The following ATF7IP variants were observed in gnomAD, a reference collection of about 807,000 sequenced individuals.
The protein encoded by ATF7IP is activating transcription factor 7-interacting protein 1.
Under a neutral mutation model 106.4 loss-of-function variants are expected in ATF7IP, and 23 were observed. The ratio of observed to expected loss-of-function variants is 0.22; its 90% CI spans 0.16 to 0.31. The LOEUF is 0.31. Ranked by LOEUF, ATF7IP falls within the 10% of genes least tolerant of loss-of-function variation. The pLI, the probability that ATF7IP is intolerant of heterozygous loss-of-function variation, is 1.00. For missense variants in ATF7IP, 1,334 were observed against 1,524.3 expected (o/e 0.88, Z 2.08); for synonymous variants, 542 against 539.0 (o/e 1.01, Z -0.08).
intron 1 of ATF7IP, among the ~76,000 whole-genome samples, chr12:14,376,358 T>C (rs1678901590): frequency 6.6e-6 from 1 of 152,272 alleles, no homozygotes; most frequent in African/African-American, 2.4e-5. Context: ...GGCACAGATT[T>C]GGCCATAAAG....
At position 14,424,627 on chromosome 12, in the gene ATF7IP, G is replaced by C; in HGVS notation, c.712G>C (p.Asp238His). Residue 238 changes from aspartate to histidine, a missense_variant, in exon 2 of 15, where the codon GAT (aspartate) becomes CAT (histidine). Coordinates refer to ENST00000261168, the MANE Select transcript of ATF7IP (RefSeq NM_018179.5). Reference protein sequence around the residue: ...DIASSEITSVDLASGAPASTD... With the variant: ...DIASSEITSVHLASGAPASTD... ...AGCCTCTAGTGAAATAACTTCTGTTGATCTGGCTTCTGGAGCACCAGCTTC... is the reference window on the plus strand; with the variant it reads ...AGCCTCTAGTGAAATAACTTCTGTTCATCTGGCTTCTGGAGCACCAGCTTC... 2 of 1,614,104 alleles carry C rather than the reference G, an allele frequency of 1.2e-6. No individual in the cohort carries two copies. Among genetic ancestry groups the C allele is most frequent in the East Asian group, 2.2e-5 (1 of 44,876 alleles).
chr12:14,429,215 G>C (rs1384058178), intron 2 of ATF7IP, among the ~76,000 whole-genome samples: 1 of 152,148 alleles, frequency 6.6e-6, no homozygotes, highest in Non-Finnish European at 1.5e-5. Context: ...TGATGATCAT[G>C]TTATTAAATC....
intron 9 of ATF7IP, among the ~76,000 whole-genome samples, chr12:14,462,112 G>T (rs534541631): frequency 6.6e-6 from 1 of 152,122 alleles, no homozygotes. Context: ...ATTAATGTTG[G>T]ATTGAAGCTG....
chr12:14,394,265 A>G (rs1216256851), intron 1 of ATF7IP, among the ~76,000 whole-genome samples: 2 of 152,204 alleles, frequency 1.3e-5, no homozygotes, highest in African/African-American at 4.8e-5. Context: ...TGTATTTTTA[A>G]TGATTGCCAA....
At chr12:14,418,869 C>T (rs1299891964) in intron 1 of ATF7IP, among the ~76,000 whole-genome samples, 1 of 151,928 alleles carries the variant, frequency 6.6e-6, no homozygotes, top group East Asian at 1.9e-4. Flanking sequence ...TTGATAAAAT[C>T]AACTTTTCTT....
chr12:14,368,022 T>C (rs1938378892), intron 1 of ATF7IP, among the ~76,000 whole-genome samples: 1 of 152,134 alleles, frequency 6.6e-6, no homozygotes, highest in Non-Finnish European at 1.5e-5. Context: ...AAAATTTATA[T>C]GTAGTTTAGA....
intron 11 of ATF7IP, 91 bp downstream of exon 11, chr12:14,476,059 G>A: frequency 1.1e-6 from 1 of 918,602 alleles, no homozygotes; most frequent in Admixed American, 2.2e-5. Flanking sequence ...AGATGTTTAT[G>A]GCATTATGCT....
chr12:14,444,853 C>T (rs1451534475), intron 5 of ATF7IP, among the ~76,000 whole-genome samples: 1 of 151,988 alleles, frequency 6.6e-6, no homozygotes, highest in Non-Finnish European at 1.5e-5. Context: ...TAGCTTCCAG[C>T]GGTGACTACT....
intron 13 of ATF7IP, among the ~76,000 whole-genome samples, chr12:14,490,316 C>T (rs1226644287): frequency 6.6e-6 from 1 of 152,200 alleles, no homozygotes; most frequent in Non-Finnish European, 1.5e-5. Context: ...CAAATGCCTT[C>T]ACAGTTTTTG....
At chr12:14,422,834 A>T (rs2136544303) in intron 1 of ATF7IP, among the ~76,000 whole-genome samples, 1 of 152,310 alleles carries the variant, frequency 6.6e-6, no homozygotes, top group South Asian at 2.1e-4. Context: ...GTTTTGGGCC[A>T]TTATGAGTAG....
Position 14,424,772 on chromosome 12 carries a change from A to T in ATF7IP, c.857A>T (p.Asp286Val). ...SDELTSESTF[D>V]RTFEPKSVPV... ...GAGCTGACTTCTGAATCAACCTTTG[A>T]TCGTACCTTTGAACCAAAGTCTGTA... Residue 286 changes from aspartate (D) to valine (V), a missense_variant, in exon 2 of 15, where the codon GAT (aspartate) becomes GTT (valine). Physicochemically the swap from Asp to Val is radical, Grantham distance 152 (BLOSUM62 -3). Coordinates refer to ENST00000261168, the MANE Select transcript of ATF7IP (RefSeq NM_018179.5). 1 of 1,614,124 alleles carries T rather than the reference A, an allele frequency of 6.2e-7. No individual in the cohort carries two copies. The highest frequency in any genetic ancestry group is 8.5e-7 in the Non-Finnish European group (1 of 1,180,014).
intron 8 of ATF7IP, 113 bp downstream of exon 8, chr12:14,457,408 C>T (rs1029846160): frequency 1.3e-6 from 1 of 759,030 alleles, no homozygotes; most frequent in Admixed American, 3.1e-5. Context: ...GCACATTGGT[C>T]TAAGTACAAA....
intron 1 of ATF7IP, among the ~76,000 whole-genome samples, chr12:14,401,964 G>A (rs1940240150): frequency 6.6e-6 from 1 of 151,082 alleles, no homozygotes; most frequent in Admixed American, 6.6e-5. Context: ...CGCTTGCCTC[G>A]GCCTCCAAAA....
chr12:14,385,879 T>G (rs1452070363), intron 1 of ATF7IP, among the ~76,000 whole-genome samples: 1 of 152,096 alleles, frequency 6.6e-6, no homozygotes, highest in Non-Finnish European at 1.5e-5. Flanking sequence ...GAAAAAAAAT[T>G]TTTAATACTG....
chr12:14,496,624 T>C (rs1030267921), intron 14 of ATF7IP, among the ~76,000 whole-genome samples: 4 of 152,214 alleles, frequency 2.6e-5, no homozygotes, highest in Admixed American at 6.5e-5. Context: ...TTCTAATTCA[T>C]AGTTAAATTA....
chr12:14,370,885 T>A (rs1938505583), intron 1 of ATF7IP, among the ~76,000 whole-genome samples: 1 of 152,066 alleles, frequency 6.6e-6, no homozygotes, highest in South Asian at 2.1e-4. Flanking sequence ...AAAATCCTTT[T>A]TTGTTAAACA....
Position 14,425,332 on chromosome 12 carries a change from A to G in ATF7IP, c.1417A>G (p.Ser473Gly), listed in dbSNP as rs750098327. The change falls in exon 2 of 15, where the codon AGT becomes GGT. Residue 473 changes from serine to glycine, a missense_variant. This residue lies in a region of ATF7IP where 41 missense variants were observed against 60.4 expected (regional missense o/e 0.68). Coordinates refer to ENST00000261168, the MANE Select transcript of ATF7IP (RefSeq NM_018179.5). ...TCCAGATTTGGAAGAGAAAATGGAA[A>G]GTTCTTTTGGTTCACCATCTAAACA... ...TNPDLEEKMESSFGSPSKQES... is the reference protein window; with the variant it reads ...TNPDLEEKMEGSFGSPSKQES... The G allele has an allele frequency of 4.3e-6, 7 of 1,611,318 alleles. No individual in the cohort carries two copies. The South Asian group carries it at 4.4e-5, about 10-fold the overall frequency.
rs1208404943 is a variant in ATF7IP at position 14,460,932 on chromosome 12, T to C, written c.2596T>C (p.Leu866=). ...QRNPTASAAP[L]GTTLAVQAVP... Reference sequence around the variant, plus strand: ...GAACCCTACTGCCAGTGCTGCACCATTGGGAACAACACTTGCTGTGCAGGC... The same window carrying C: ...GAACCCTACTGCCAGTGCTGCACCACTGGGAACAACACTTGCTGTGCAGGC... Residue 866 remains leucine (L), a synonymous_variant, in exon 9 of 15, where the codon TTG becomes CTG. Transcript: ENST00000261168. 40 of 1,614,058 alleles carry C rather than the reference T, an allele frequency of 2.5e-5. No homozygotes were observed. Among genetic ancestry groups the C allele is most frequent in the Admixed American group, 5.0e-5 (3 of 59,998 alleles).
intron 13 of ATF7IP, among the ~76,000 whole-genome samples, chr12:14,493,805 G>C (rs1044870351): frequency 6.6e-6 from 1 of 152,034 alleles, no homozygotes; most frequent in Non-Finnish European, 1.5e-5. Context: ...CAACTTCAGC[G>C]CTCTCTCTAC....
Sources: allele counts gnomAD v4.1 joint callset (sites outside exome capture counted in the v4.1 genomes callset), GRCh38; gene constraint gnomAD v4.1.1; regional missense constraint gnomAD v4.1.1; transcripts MANE v1.5; gene names NCBI Gene and HGNC (gene_info 2026-07-23, HGNC 2026-07-21).